TMEM178B: variants seen among roughly 807,000 people sequenced by gnomAD.
The protein encoded by TMEM178B is transmembrane protein 178B.
TMEM178B carries 5 observed loss-of-function variants against 31.0 expected under a neutral mutation model. That is an observed-to-expected ratio of 0.16 (90% CI 0.08 to 0.34). TMEM178B has a LOEUF of 0.34. Among genes scored for constraint, TMEM178B ranks in the 10% least tolerant of loss-of-function variants. TMEM178B has a pLI of 1.00. For synonymous variants in TMEM178B, 164 were observed against 164.0 expected (o/e 1.00, Z 0.00); for missense variants, 275 against 400.3 (o/e 0.69, Z 2.67).
chr7:141,509,216 A>G, the TMEM178B span, among the ~76,000 whole-genome samples: 1 of 152,332 alleles, frequency 6.6e-6, no homozygotes, highest in African/African-American at 2.4e-5. Flanking sequence ...GAGAATAAAT[A>G]TGAAGATACA....
chr7:141,202,787 C>T (rs1796898781), intron 1 of TMEM178B, among the ~76,000 whole-genome samples: 1 of 151,916 alleles, frequency 6.6e-6, no homozygotes, highest in African/African-American at 2.4e-5. Flanking sequence ...GAAGAGTTGC[C>T]TTTTAAATAG....
intron 2 of TMEM178B, among the ~76,000 whole-genome samples, chr7:141,233,009 C>T (rs1586840041): frequency 6.6e-6 from 1 of 152,288 alleles, no homozygotes; most frequent in East Asian, 1.9e-4. Flanking sequence ...GTGGAAAGTT[C>T]TCTTGTAACT....
At chr7:141,223,316 G>C (rs1797284946) in intron 2 of TMEM178B, among the ~76,000 whole-genome samples, 1 of 152,064 alleles carries the variant, frequency 6.6e-6, no homozygotes, top group Non-Finnish European at 1.5e-5. Context: ...CTCTGGTTCT[G>C]GTGCTGGCTA....
intron 1 of TMEM178B, among the ~76,000 whole-genome samples, chr7:141,088,969 T>TA (rs1358237588): frequency 3.3e-5 from 5 of 152,176 alleles, no homozygotes; most frequent in African/African-American, 1.2e-4. Context: ...TCTAGTGCAT[T>TA]AACTGAGATA....
At chr7:141,124,560 C>G (rs1795459479) in intron 1 of TMEM178B, among the ~76,000 whole-genome samples, 1 of 152,106 alleles carries the variant, frequency 6.6e-6, no homozygotes, top group Admixed American at 6.5e-5. Context: ...TCCTGGTTGT[C>G]TTATTTTCGA....
chr7:141,242,616 A>ACTGCAGCCTCTGCCTCC (rs1398356836), intron 2 of TMEM178B, among the ~76,000 whole-genome samples: 2 of 143,598 alleles, frequency 1.4e-5, no homozygotes, highest in Non-Finnish European at 3.0e-5. Context: ...ATCCTGGCTC[A>ACTGCAGCCTCTGCCTCC]CTGCAGCCTC....
chr7:141,465,950 G>C (rs796370625), intron 3 of TMEM178B, among the ~76,000 whole-genome samples: 3 of 152,316 alleles, frequency 2.0e-5, no homozygotes, highest in African/African-American at 7.2e-5. Context: ...TTGAGCCCTG[G>C]AGGCAGAGGT....
intron 1 of TMEM178B, among the ~76,000 whole-genome samples, chr7:141,109,694 G>A (rs2129174922): frequency 6.6e-6 from 1 of 152,306 alleles, no homozygotes; most frequent in Non-Finnish European, 1.5e-5. Context: ...AGAAAAGTAA[G>A]TCCCATGGTG....
chr7:141,360,742 T>C (rs531416074), intron 2 of TMEM178B, among the ~76,000 whole-genome samples: 1 of 152,316 alleles, frequency 6.6e-6, no homozygotes, highest in Non-Finnish European at 1.5e-5. Context: ...CTTAACTGAT[T>C]TGGGCTTAAA....
At chr7:141,305,565 T>G (rs1315778209) in intron 2 of TMEM178B, among the ~76,000 whole-genome samples, 2 of 152,088 alleles carry the variant, frequency 1.3e-5, no homozygotes, top group Non-Finnish European at 2.9e-5. Context: ...GTAGCTGGGA[T>G]TACAGGCGAG....
intron 1 of TMEM178B, among the ~76,000 whole-genome samples, chr7:141,076,863 C>A (rs1794608300): frequency 6.6e-6 from 1 of 152,124 alleles, no homozygotes; most frequent in African/African-American, 2.4e-5. Context: ...CGGCAAGCAC[C>A]CGCTTACCAT....
chr7:141,298,366 A>C (rs898546933), intron 2 of TMEM178B, among the ~76,000 whole-genome samples: 1 of 152,106 alleles, frequency 6.6e-6, no homozygotes, highest in African/African-American at 2.4e-5. Flanking sequence ...GTTTAATTAG[A>C]TCCCATTTGT....
chr7:141,296,866 C>T (rs1164651862), intron 2 of TMEM178B, among the ~76,000 whole-genome samples: 1 of 152,232 alleles, frequency 6.6e-6, no homozygotes, highest in Non-Finnish European at 1.5e-5. Flanking sequence ...TTGCAGGCTA[C>T]AGGGTCTCTG....
intron 2 of TMEM178B, among the ~76,000 whole-genome samples, chr7:141,329,866 G>A (rs1392812275): frequency 6.6e-6 from 1 of 152,186 alleles, no homozygotes; most frequent in Admixed American, 6.5e-5. Context: ...CAATCTGGCT[G>A]GGGACATGAC....
At chr7:141,280,814 T>A (rs1475006893) in intron 2 of TMEM178B, among the ~76,000 whole-genome samples, 1 of 152,140 alleles carries the variant, frequency 6.6e-6, no homozygotes, top group African/African-American at 2.4e-5. Context: ...AGACCCTGGG[T>A]CTCGGGGGAA....
intron 2 of TMEM178B, among the ~76,000 whole-genome samples, chr7:141,341,249 C>A (rs543864409): frequency 6.6e-5 from 10 of 152,306 alleles, no homozygotes; most frequent in African/African-American, 2.4e-4. Flanking sequence ...AAGATGACAT[C>A]TAAGGATTCA....
rs567043245 is a variant in TMEM178B, at chr7:141,198,145, AT to A, written c.383-14437del. Among the ~76,000 whole-genome samples the A allele has an allele frequency of 3.6e-3, 541 of 151,572 alleles. 1 individual carries two copies. The highest frequency in any genetic ancestry group is 5.3e-3 in the African/African-American group (221 of 41,330). ...AAAAGTGGAAAACTCAGTGATATGCATTTTTTTTTCCCTAGCTGAAACTAAA... is the reference window on the plus strand; with the variant it reads ...AAAAGTGGAAAACTCAGTGATATGCATTTTTTTTCCCTAGCTGAAACTAAA... On this transcript the variant is annotated intron_variant, in intron 1 of 3. Transcript: ENST00000565468.
chr7:141,461,681 C>T lies in TMEM178B; in HGVS notation c.635-8855C>T, dbSNP rs533112488. ...CGTGGCTTCTCTGAGAATCCCTAAG[C>T]GGAGTGGAAACACATGTTCTAGCCT... On this transcript the variant is annotated intron_variant, in intron 3 of 3. Transcript: ENST00000565468. The surrounding 1 kb of genome is among the most constrained non-coding windows in gnomAD (Gnocchi z 4.0). Among the ~76,000 whole-genome samples, 19 of 152,258 alleles carry T rather than the reference C, an allele frequency of 1.2e-4. No homozygotes were observed. In the East Asian group the frequency reaches 1.5e-3, roughly 12 times the overall value.
intron 1 of TMEM178B, among the ~76,000 whole-genome samples, chr7:141,107,485 C>T (rs1468110910): frequency 2.0e-5 from 3 of 152,036 alleles, no homozygotes; most frequent in Non-Finnish European, 4.4e-5. Context: ...AGTAGAGATA[C>T]TTTAAAGGTA....
Sources: gnomAD v4.1 joint callset for allele counts (sites outside exome capture counted in the v4.1 genomes callset) on GRCh38, gnomAD v4.1.1 for gene constraint, Gnocchi (gnomAD v3.1) non-coding constraint, MANE v1.5 for transcripts, NCBI Gene and HGNC (gene_info 2026-07-23, HGNC 2026-07-21) for gene names.